Variants in ST8SIA1 observed in about 807,000 individuals in gnomAD.
The protein encoded by ST8SIA1 is alpha-N-acetylneuraminide alpha-2,8-sialyltransferase.
Under a neutral mutation model 35.9 loss-of-function variants are expected in ST8SIA1, and 16 were observed. The observed-to-expected ratio is 0.45, with a 90% CI of 0.30 to 0.68. The LOEUF (loss-of-function observed/expected upper bound fraction) is 0.68. Among genes scored for constraint, ST8SIA1 ranks in the 30% least tolerant of loss-of-function variants. The pLI, the probability that ST8SIA1 is intolerant of heterozygous loss-of-function variation, is 0.09. For missense variants in ST8SIA1, 383 were observed against 453.6 expected, an observed-to-expected ratio of 0.84 and a Z score of 1.41; for synonymous variants, 170 against 169.6, an observed-to-expected ratio of 1.00 and a Z score of -0.02.
intron 1 of ST8SIA1, among the ~76,000 whole-genome samples, chr12:22,298,064 C>T (rs1168393827): frequency 2.6e-5 from 4 of 152,162 alleles, no homozygotes; most frequent in African/African-American, 9.7e-5. Flanking sequence ...ATTTGAATAG[C>T]TTCTGTATAG....
intron 4 of ST8SIA1, among the ~76,000 whole-genome samples, chr12:22,226,912 G>A (rs992755959): frequency 3.9e-5 from 6 of 151,990 alleles, no homozygotes; most frequent in Admixed American, 2.0e-4. Context: ...GTTTATATGC[G>A]TGTTTTTCCT....
intron 1 of ST8SIA1, among the ~76,000 whole-genome samples, chr12:22,303,050 G>A (rs535809048): frequency 6.1e-4 from 93 of 152,266 alleles, no homozygotes; most frequent in African/African-American, 1.7e-3. Flanking sequence ...ATGGACACAC[G>A]TGCTCAACTT....
At chr12:22,327,448 G>A (rs1461896615) in intron 1 of ST8SIA1, among the ~76,000 whole-genome samples, 2 of 152,252 alleles carry the variant, frequency 1.3e-5, no homozygotes, top group Admixed American at 1.3e-4. Context: ...CATACCAGGG[G>A]GGCAAGCCAC....
chr12:22,268,300 A>G (rs1865870162), intron 2 of ST8SIA1, among the ~76,000 whole-genome samples: 1 of 152,244 alleles, frequency 6.6e-6, no homozygotes, highest in South Asian at 2.1e-4. Flanking sequence ...TTTTTAGATT[A>G]TTTTAAAGTC....
intron 1 of ST8SIA1, among the ~76,000 whole-genome samples, chr12:22,323,886 T>TA (rs1866637857): frequency 6.6e-6 from 1 of 152,132 alleles, no homozygotes; most frequent in Admixed American, 6.5e-5. Flanking sequence ...TCAGGAAGGA[T>TA]AGCTAACGAA....
At chr12:22,205,694 G>A (rs924640924) in intron 4 of ST8SIA1, among the ~76,000 whole-genome samples, 2 of 151,840 alleles carry the variant, frequency 1.3e-5, no homozygotes, top group Non-Finnish European at 2.9e-5. Flanking sequence ...GAGGTGGGAG[G>A]ATCACTTGAG....
intron 1 of ST8SIA1, among the ~76,000 whole-genome samples, chr12:22,307,336 T>C (rs1343803088): frequency 6.6e-6 from 1 of 152,080 alleles, no homozygotes; most frequent in Non-Finnish European, 1.5e-5. Context: ...GCCTAGTCAA[T>C]CTCCCCAGAA....
intron 4 of ST8SIA1, among the ~76,000 whole-genome samples, chr12:22,228,609 T>G (rs951992242): frequency 2.0e-5 from 3 of 152,198 alleles, no homozygotes; most frequent in African/African-American, 7.2e-5. Context: ...CTAATCCTTG[T>G]AAGGGACAAT....
At chr12:22,276,894 CAA>C (rs1378852423) in intron 2 of ST8SIA1, among the ~76,000 whole-genome samples, 1 of 151,806 alleles carries the variant, frequency 6.6e-6, no homozygotes, top group African/African-American at 2.4e-5. Flanking sequence ...CTATGTCATT[CAA>C]CTGTATCTGC....
At position 22,197,562 on chromosome 12, in the gene ST8SIA1, C is replaced by G. The variant is rs151182002; in HGVS notation, c.*3990G>C. On this transcript the variant is annotated 3_prime_UTR_variant, in exon 5 of 5. Coordinates refer to ENST00000396037, the MANE Select transcript of ST8SIA1 (RefSeq NM_003034.4). ...TAAAACTGGAATATGTAGCTGCTGA[C>G]GAAAAGAAATGTTATCAATATTGTT... is the stretch of plus-strand genomic sequence containing the variant. The G allele has an allele frequency of 3.3e-5, 5 of 152,084 alleles. No individual in the cohort carries two copies. Among genetic ancestry groups the G allele is most frequent in the African/African-American group, 1.2e-4 (5 of 41,382 alleles). The allele number at this position is 152,084 out of a possible 1,614,324, so 9.4% of individuals were successfully genotyped here. A position where few individuals can be genotyped will look rare whatever the true frequency, so the allele number is the denominator to read the frequency against.
At chr12:22,298,270 T>C (rs1306113944) in intron 1 of ST8SIA1, among the ~76,000 whole-genome samples, 1 of 152,172 alleles carries the variant, frequency 6.6e-6, no homozygotes, top group Non-Finnish European at 1.5e-5. Context: ...GAGGAGGTTG[T>C]GGAATCCCCA....
At chr12:22,268,696 T>C (rs1865876944) in intron 2 of ST8SIA1, 1 of 152,136 alleles carries the variant, frequency 6.6e-6, no homozygotes. Flanking sequence ...TCACTCACTA[T>C]CATGAGAACA....
chr12:22,287,731 G>A (rs796521290), intron 1 of ST8SIA1, among the ~76,000 whole-genome samples: 13 of 152,270 alleles, frequency 8.5e-5, no homozygotes, highest in African/African-American at 2.9e-4. Flanking sequence ...AGTGAAAAGA[G>A]ACTTCCAGCA....
intron 4 of ST8SIA1, among the ~76,000 whole-genome samples, chr12:22,210,463 C>T (rs901449262): frequency 9.2e-5 from 14 of 152,052 alleles, no homozygotes; most frequent in African/African-American, 2.9e-4. Flanking sequence ...TTTTTTCCCC[C>T]ACACATCAAA....
rs1866806387 is a variant in ST8SIA1 at position 22,333,950 on chromosome 12, G to A, written c.236+47C>T. 2.6e-6 allele frequency: 4 copies of A among 1,552,166 alleles called. No homozygotes were observed. The East Asian group carries it at 6.7e-5, about 26-fold the overall frequency. On this transcript the variant is annotated intron_variant, in intron 1 of 4. Coordinates refer to ENST00000396037, the MANE Select transcript of ST8SIA1 (RefSeq NM_003034.4). Reference sequence around the variant, plus strand: ...GCCGGTGACCCTGTCCTCTGCACTCGGGGAGGAAAGGACGCTAGAGGGGAG... The same window carrying A: ...GCCGGTGACCCTGTCCTCTGCACTCAGGGAGGAAAGGACGCTAGAGGGGAG...
intron 1 of ST8SIA1, among the ~76,000 whole-genome samples, chr12:22,316,916 G>GAAAA (rs142418174): frequency 6.7e-6 from 1 of 149,754 alleles, no homozygotes; most frequent in Non-Finnish European, 1.5e-5. Flanking sequence ...TCAGTATCGG[G>GAAAA]AAAAAAAAAC....
intron 4 of ST8SIA1, chr12:22,223,124 G>A (rs919494683): frequency 7.9e-5 from 12 of 152,122 alleles, no homozygotes; most frequent in African/African-American, 2.9e-4. Flanking sequence ...ATTAATTTAT[G>A]TTCATTTTAG....
At chr12:22,214,877 G>A (rs1319618828) in intron 4 of ST8SIA1, among the ~76,000 whole-genome samples, 1 of 152,166 alleles carries the variant, frequency 6.6e-6, no homozygotes, top group Non-Finnish European at 1.5e-5. Context: ...GAAAATTAAG[G>A]ATCGGGGCAG....
chr12:22,232,393 CA>C (rs1159353016), intron 4 of ST8SIA1, among the ~76,000 whole-genome samples: 4 of 152,032 alleles, frequency 2.6e-5, no homozygotes, highest in African/African-American at 9.7e-5. Context: ...AGGGGGACTC[CA>C]ATTCAAGGTT....
Sources: allele counts gnomAD v4.1 joint callset (sites outside exome capture counted in the v4.1 genomes callset), GRCh38; gene constraint gnomAD v4.1.1; transcripts MANE v1.5; gene names NCBI Gene and HGNC (gene_info 2026-07-23, HGNC 2026-07-21).